Variants in SORCS2 observed in about 807,000 individuals in gnomAD.
The protein encoded by SORCS2 is sortilin related VPS10 domain containing receptor 2.
A neutral mutation model predicts 141.6 loss-of-function variants in SORCS2; 100 were observed. The observed-to-expected ratio is 0.71, with a 90% CI of 0.60 to 0.83. The LOEUF (loss-of-function observed/expected upper bound fraction) is 0.83, where lower values mean the gene tolerates loss of function less well. SORCS2 is among the 40% of genes least tolerant of loss of function. The probability of loss-of-function intolerance (pLI) is 0.00; values close to 1 mark genes in which losing one functional copy is unlikely to be tolerated. For synonymous variants in SORCS2, 789 were observed against 676.9 expected (o/e 1.17, Z -2.57); for missense variants, 1,646 against 1,560.2 (o/e 1.05, Z -0.93).
intron 1 of SORCS2, among the ~76,000 whole-genome samples, chr4:7,351,110 A>G (rs115989185): frequency 2.0e-4 from 30 of 152,128 alleles, no homozygotes; most frequent in African/African-American, 7.2e-4. Context: ...CACACGCTAC[A>G]CGCCCCCCCA....
intron 1 of SORCS2, among the ~76,000 whole-genome samples, chr4:7,217,942 C>A (rs375742486): frequency 1.3e-5 from 2 of 152,166 alleles, no homozygotes; most frequent in Admixed American, 6.5e-5. Context: ...TCACAGTGCA[C>A]GGTCCCAGGC....
chr4:7,376,237 A>G (rs1391598865), intron 1 of SORCS2, among the ~76,000 whole-genome samples: 1 of 151,540 alleles, frequency 6.6e-6, no homozygotes, highest in African/African-American at 2.4e-5. Context: ...AATATAAAGC[A>G]TGCTTATTAT....
At chr4:7,675,881 C>G (rs944369478) in intron 8 of SORCS2, among the ~76,000 whole-genome samples, 169 bp from the exon 9 acceptor site, 17 of 152,170 alleles carry the variant, frequency 1.1e-4, no homozygotes, top group Non-Finnish European at 2.4e-4. Flanking sequence ...GAGACTTGTG[C>G]AAGGCCACAG....
At chr4:7,639,057 T>A (rs750795280) in intron 4 of SORCS2, among the ~76,000 whole-genome samples, 1 of 151,884 alleles carries the variant, frequency 6.6e-6, no homozygotes, top group Non-Finnish European at 1.5e-5. Context: ...TTGGGCTGCA[T>A]CTGCAGGGAG....
At chr4:7,357,154 G>C (rs528818291) in intron 1 of SORCS2, among the ~76,000 whole-genome samples, 1 of 152,106 alleles carries the variant, frequency 6.6e-6, no homozygotes, top group Non-Finnish European at 1.5e-5. Flanking sequence ...TCCTCCACCC[G>C]TGACCTTGAG....
chr4:7,215,648 A>C (rs1378545023), intron 1 of SORCS2, among the ~76,000 whole-genome samples: 1 of 152,182 alleles, frequency 6.6e-6, no homozygotes, highest in Non-Finnish European at 1.5e-5. Context: ...TTGTAAATAC[A>C]CCAATCGGCA....
intron 1 of SORCS2, among the ~76,000 whole-genome samples, chr4:7,388,083 C>T (rs562591295): frequency 1.3e-5 from 2 of 149,256 alleles, no homozygotes; most frequent in Admixed American, 6.7e-5. Flanking sequence ...GATACACACA[C>T]ACATGCACAC....
intron 3 of SORCS2, among the ~76,000 whole-genome samples, chr4:7,595,547 C>G (rs1717214605): frequency 6.6e-6 from 1 of 151,658 alleles, no homozygotes; most frequent in African/African-American, 2.4e-5. Context: ...CCCGCACCAG[C>G]CATCTCATTA....
At chr4:7,331,826 A>C (rs1368126867) in intron 1 of SORCS2, among the ~76,000 whole-genome samples, 1 of 152,150 alleles carries the variant, frequency 6.6e-6, no homozygotes, top group African/African-American at 2.4e-5. Flanking sequence ...CCCTGCTGGG[A>C]GGATGGCAGG....
chr4:7,573,250 A>T (rs1470804638), intron 3 of SORCS2, among the ~76,000 whole-genome samples: 1 of 152,206 alleles, frequency 6.6e-6, no homozygotes, highest in African/African-American at 2.4e-5. Flanking sequence ...CTGCGGCATG[A>T]TATCCAACTC....
At chr4:7,479,213 C>A (rs867574706) in intron 2 of SORCS2, among the ~76,000 whole-genome samples, 1 of 151,574 alleles carries the variant, frequency 6.6e-6, no homozygotes, top group African/African-American at 2.4e-5. Context: ...CTTCTCTGGG[C>A]GAGGGTATGT....
intron 2 of SORCS2, among the ~76,000 whole-genome samples, chr4:7,483,615 C>T (rs1730792191): frequency 6.6e-6 from 1 of 152,084 alleles, no homozygotes; most frequent in African/African-American, 2.4e-5. Flanking sequence ...GAAAAAAGCA[C>T]CTACTGTACA....
intron 2 of SORCS2, among the ~76,000 whole-genome samples, chr4:7,403,853 C>A (rs893512008): frequency 6.7e-6 from 1 of 149,022 alleles, no homozygotes; most frequent in African/African-American, 2.5e-5. Flanking sequence ...ATTCATCACC[C>A]GAATAATGTA....
At chr4:7,712,957 C>G in intron 15 of SORCS2, 104 bp downstream of exon 15, 1 of 1,483,024 alleles carries the variant, frequency 6.7e-7, no homozygotes, top group Non-Finnish European at 9.0e-7. Flanking sequence ...AGGGCACCTC[C>G]CCGCCTCCAA....
chr4:7,540,733 C>T (rs965593409), intron 3 of SORCS2, among the ~76,000 whole-genome samples: 1 of 152,184 alleles, frequency 6.6e-6, no homozygotes, highest in Non-Finnish European at 1.5e-5. Context: ...ACAGGCTTTA[C>T]GGAGACTCAA....
intron 2 of SORCS2, among the ~76,000 whole-genome samples, chr4:7,406,708 T>A (rs537053498): frequency 6.6e-6 from 1 of 152,142 alleles, no homozygotes; most frequent in East Asian, 1.9e-4. Context: ...TCTGTATAGT[T>A]TGGTAGTCTC....
chr4:7,563,347 C>T (rs1385602545), intron 3 of SORCS2, among the ~76,000 whole-genome samples: 1 of 152,182 alleles, frequency 6.6e-6, no homozygotes, highest in Non-Finnish European at 1.5e-5. Context: ...AGACTTCATC[C>T]TTCATTTCCA....
chr4:7,668,411 A>T (rs13112285), intron 8 of SORCS2, among the ~76,000 whole-genome samples: 7,998 of 152,226 alleles, frequency 0.053, 242 homozygotes, highest in Middle Eastern at 0.082. Flanking sequence ...AAGAAGAGCA[A>T]GGGAGAAAAT....
intron 2 of SORCS2, among the ~76,000 whole-genome samples, chr4:7,505,226 C>T (rs1732203209): frequency 3.9e-5 from 6 of 152,104 alleles, no homozygotes; most frequent in Admixed American, 3.9e-4. Context: ...GAAAATGCTT[C>T]GTGATGGGAA....
Sources: gnomAD v4.1 joint callset for allele counts (sites outside exome capture counted in the v4.1 genomes callset) on GRCh38, gnomAD v4.1.1 for gene constraint, MANE v1.5 for transcripts, NCBI Gene and HGNC (gene_info 2026-07-23, HGNC 2026-07-21) for gene names.